CDKL3: variants seen among roughly 807,000 people sequenced by gnomAD.
The protein encoded by CDKL3 is cyclin dependent kinase like 3, also known as cyclin-dependent kinase-like 3.
In CDKL3, 65 loss-of-function variants were observed where a neutral mutation model predicts 69.3. That is an observed-to-expected ratio of 0.94 (90% CI 0.77 to 1.15). The LOEUF is 1.15. Ranked by LOEUF, CDKL3 falls within the 50% of genes most tolerant of loss-of-function variation. CDKL3 has a pLI of 0.00. For missense variants in CDKL3, 652 were observed against 689.2 expected (o/e 0.95, Z 0.61); for synonymous variants, 202 against 221.6 (o/e 0.91, Z 0.79).
intron 8 of CDKL3, among the ~76,000 whole-genome samples, chr5:134,289,529 C>T (rs1479721106): frequency 2.0e-5 from 3 of 152,142 alleles, no homozygotes; most frequent in African/African-American, 7.2e-5. Context: ...TGTCCTGAGA[C>T]TTTGGAGGAA....
downstream of CDKL3, among the ~76,000 whole-genome samples, chr5:134,284,760 C>T (rs1764783682): frequency 6.6e-6 from 1 of 152,170 alleles, no homozygotes; most frequent in Admixed American, 6.5e-5. Flanking sequence ...AGCAATATTT[C>T]TCCTATTCGC....
upstream of CDKL3, among the ~76,000 whole-genome samples, chr5:134,368,618 CAAAAAAAAAA>C (rs11339001): frequency 1.4e-5 from 1 of 69,812 alleles, no homozygotes; most frequent in Non-Finnish European, 2.5e-5. Flanking sequence ...GACTCCATCT[CAAAAAAAAAA>C]AAAAAAAAAA....
chr5:134,362,288 G>C (rs149338394), intron 2 of CDKL3, among the ~76,000 whole-genome samples: 256 of 152,320 alleles, frequency 1.7e-3, no homozygotes, highest in African/African-American at 5.4e-3. Context: ...GGTAGGCCAA[G>C]GCAGGCGGAT....
At chr5:134,297,946 GTT>G (rs1491296333), downstream of CDKL3, among the ~76,000 whole-genome samples, 3 of 93,388 alleles carry the variant, frequency 3.2e-5, no homozygotes, top group Non-Finnish European at 4.3e-5. Flanking sequence ...GTGTGTGTGT[GTT>G]TTGAGACAGA....
At chr5:134,361,399 C>A (rs1439719939) in intron 2 of CDKL3, among the ~76,000 whole-genome samples, 1 of 151,948 alleles carries the variant, frequency 6.6e-6, no homozygotes, top group Non-Finnish European at 1.5e-5. Context: ...GAAAACTATA[C>A]CTTTATGAAA....
rs776092827 is a variant in CDKL3, at chr5:134,312,286, GCTTA to G, written c.881+2_881+5del. ...TAAAAAACCCACATTCACTCAAAAT[GCTTA>G]CTTTTCAATAAATCCATCTCTAGTA... On this transcript the variant is annotated splice_donor_variant and splice_donor_5th_base_variant and intron_variant, in intron 7 of 12. Coordinates refer to ENST00000265334, the MANE Select transcript of CDKL3 (RefSeq NM_001113575.2). LOFTEE classifies it high-confidence loss of function. 2 of 1,533,170 alleles carry G rather than the reference GCTTA, an allele frequency of 1.3e-6. No individual in the cohort carries two copies. The highest frequency in any genetic ancestry group is 1.4e-5 in the African/African-American group (1 of 72,880). The allele number at this position is 1,533,170 out of a possible 1,614,324, so 95.0% of individuals were successfully genotyped here.
intron 3 of CDKL3, among the ~76,000 whole-genome samples, chr5:134,350,748 G>A (rs1331783005): frequency 1.3e-5 from 2 of 150,944 alleles, no homozygotes; most frequent in Non-Finnish European, 2.9e-5. Context: ...GGGAGGCCAA[G>A]GCAGGAGGAT....
downstream of CDKL3, among the ~76,000 whole-genome samples, chr5:134,296,937 T>TTTTTC (rs915219788): frequency 6.6e-6 from 1 of 150,892 alleles, no homozygotes; most frequent in Non-Finnish European, 1.5e-5. Flanking sequence ...GTGGTTTTTC[T>TTTTTC]TTTTCTTTTC....
Position 134,345,908 on chromosome 5 carries a change from G to T in CDKL3, c.539+4341C>A, listed in dbSNP as rs146262448. Among the ~76,000 whole-genome samples the T allele has an allele frequency of 3.3e-3, 499 of 152,220 alleles. 1 individual carries two copies. The highest frequency in any genetic ancestry group is 0.011 in the African/African-American group (472 of 41,502). ...CAGTAATAATAACAATTGTGTCCAGGCTTAGACTATGATACCTGAAAGTAT... is the reference window on the plus strand; with the variant it reads ...CAGTAATAATAACAATTGTGTCCAGTCTTAGACTATGATACCTGAAAGTAT... On this transcript the variant is annotated intron_variant, in intron 4 of 12. Coordinates refer to ENST00000265334, the MANE Select transcript of CDKL3 (RefSeq NM_001113575.2).
chr5:134,367,460 T>G, upstream of CDKL3: 1 of 908,216 alleles, frequency 1.1e-6, no homozygotes, highest in Non-Finnish European at 1.3e-6. Flanking sequence ...TGCAACCTCC[T>G]CCTTCCAGGT....
chr5:134,295,610 C>G (rs1482455139), downstream of CDKL3, among the ~76,000 whole-genome samples: 1 of 152,154 alleles, frequency 6.6e-6, no homozygotes, highest in Non-Finnish European at 1.5e-5. Flanking sequence ...GTATAATGTC[C>G]TCAGCTATCA....
chr5:134,318,925 T>C (rs1033720413), intron 6 of CDKL3: 6 of 152,578 alleles, frequency 3.9e-5, no homozygotes, highest in African/African-American at 1.4e-4. Context: ...TTCTACAGTT[T>C]ACATTACTTT....
chr5:134,284,697 C>T (rs1764779505), downstream of CDKL3, among the ~76,000 whole-genome samples: 2 of 152,212 alleles, frequency 1.3e-5, no homozygotes, highest in Non-Finnish European at 2.9e-5. Flanking sequence ...TAGAGACCTC[C>T]CCCTGGGAAG....
chr5:134,312,211 C>T lies in CDKL3; in HGVS notation c.881+81G>A, dbSNP rs146849541. 1.4e-3 allele frequency: 1,065 copies of T among 770,640 alleles called. 4 individuals carry two copies. The African/African-American group carries it at 0.017, about 12-fold the overall frequency. The allele number at this position is 770,640 out of a possible 1,614,324, so 47.7% of individuals were successfully genotyped here. On this transcript the variant is annotated intron_variant, in intron 7 of 12. Coordinates refer to ENST00000265334, the MANE Select transcript of CDKL3 (RefSeq NM_001113575.2). ...CTGAATATTTGTTATATAAAAGTAA[C>T]CTATACAGCAATTTTCCTGCTAGTA...
intron 4 of CDKL3, 93 bp from the exon 5 acceptor site, chr5:134,321,996 G>T: frequency 1.4e-6 from 1 of 701,620 alleles, no homozygotes; most frequent in East Asian, 2.9e-5. Flanking sequence ...CAAGGCTAAA[G>T]AAACAAGTAG....
intron 3 of CDKL3, among the ~76,000 whole-genome samples, chr5:134,359,619 G>A (rs1755511207): frequency 6.6e-6 from 1 of 151,886 alleles, no homozygotes; most frequent in Admixed American, 6.6e-5. Context: ...TAATAATAGT[G>A]CTCCAGCTGA....
At chr5:134,301,766 A>G (rs1342687665) in intron 12 of CDKL3, among the ~76,000 whole-genome samples, 1 of 152,076 alleles carries the variant, frequency 6.6e-6, no homozygotes, top group Non-Finnish European at 1.5e-5. Flanking sequence ...GTGTGCCTGT[A>G]GTCCCAGCTA....
At chr5:134,307,397 C>G (rs1768171133) in intron 9 of CDKL3, among the ~76,000 whole-genome samples, 1 of 152,198 alleles carries the variant, frequency 6.6e-6, no homozygotes, top group African/African-American at 2.4e-5. Context: ...AACAACTAGG[C>G]TCTTGCAGTC....
chr5:134,336,992 C>T (rs535787262), intron 4 of CDKL3, among the ~76,000 whole-genome samples: 1 of 152,186 alleles, frequency 6.6e-6, no homozygotes, highest in Non-Finnish European at 1.5e-5. Flanking sequence ...CTGCCCAGTT[C>T]GAGTTTCCCT....
Sources: allele counts gnomAD v4.1 joint callset (sites outside exome capture counted in the v4.1 genomes callset), GRCh38; gene constraint gnomAD v4.1.1; transcripts MANE v1.5; gene names NCBI Gene and HGNC (gene_info 2026-07-23, HGNC 2026-07-21).